Variants in TXNDC11 observed in about 807,000 individuals in gnomAD.
TXNDC11 encodes thioredoxin domain-containing protein 11.
Under a neutral mutation model 78.0 loss-of-function variants are expected in TXNDC11, and 68 were observed. The ratio of observed to expected loss-of-function variants is 0.87; its 90% CI spans 0.72 to 1.07. TXNDC11 has a LOEUF of 1.07. TXNDC11 is among the 50% of genes least tolerant of loss of function. The pLI, the probability that TXNDC11 is intolerant of heterozygous loss-of-function variation, is 0.00. For missense variants in TXNDC11, 1,389 were observed against 1,221.8 expected, an observed-to-expected ratio of 1.14 and a Z score of -2.04; for synonymous variants, 571 against 495.2, an observed-to-expected ratio of 1.15 and a Z score of -2.03.
rs929975471 is a variant in TXNDC11, at chr16:11,742,538, G to A, written c.193C>T (p.Leu65=). The change falls in exon 1 of 12, where the codon CTG becomes TTG. Residue 65 remains leucine (L), a synonymous_variant. Coordinates refer to ENST00000283033, the MANE Select transcript of TXNDC11 (RefSeq NM_015914.7). ...CCGAGCGCCACGGCCCCGCAGAGCA[G>A]CTCCGGCCGCTGGCGCGCCATGAGG... ...AFLMARQRPE[L]LCGAVALGCA... 1.1e-5 allele frequency: 16 copies of A among 1,460,602 alleles called. No homozygotes were observed. The highest frequency in any genetic ancestry group is 1.4e-5 in the Non-Finnish European group (16 of 1,113,794). The allele number at this position is 1,460,602 out of a possible 1,614,324, so 90.5% of individuals were successfully genotyped here. A position where few individuals can be genotyped will look rare whatever the true frequency, so the allele number is the denominator to read the frequency against.
In TXNDC11 at chr16:11,691,785, C is replaced by T. The variant is rs549295253; in HGVS notation, c.1405G>A (p.Ala469Thr). 3.7e-6 allele frequency: 6 copies of T among 1,614,240 alleles called. No homozygotes were observed. Among genetic ancestry groups the T allele is most frequent in the Middle Eastern group, 3.3e-4 (2 of 6,062 alleles). Residue 469 changes from alanine (A) to threonine (T), a missense_variant, in exon 8 of 12, where the codon GCA (alanine) becomes ACA (threonine). Transcript: ENST00000283033. Reference sequence around the variant, plus strand: ...AGGTAGAAAGAATCCAGAGCTGCTGCCATTTCAAAAAAGCTGCACTGTGGC... The same window carrying T: ...AGGTAGAAAGAATCCAGAGCTGCTGTCATTTCAAAAAAGCTGCACTGTGGC... Reference protein sequence around the residue: ...SVPQCSFFEMAAALDSFYLKE... With the variant: ...SVPQCSFFEMTAALDSFYLKE...
At chr16:11,700,802 T>G (rs2050992143) in intron 5 of TXNDC11, among the ~76,000 whole-genome samples, 1 of 152,178 alleles carries the variant, frequency 6.6e-6, no homozygotes, top group African/African-American at 2.4e-5. Flanking sequence ...GACAATCACT[T>G]GTGCTGAGGA....
At chr16:11,718,271 T>TA (rs144863482) in intron 5 of TXNDC11, among the ~76,000 whole-genome samples, 13,484 of 151,758 alleles carry the variant, frequency 0.089, 634 homozygotes, top group South Asian at 0.19. Flanking sequence ...TAAGACAATT[T>TA]AAAAAAAAAT....
In TXNDC11 at chr16:11,717,547, C is replaced by T. The variant is rs184746834; in HGVS notation, c.793+4030G>A. 1.3e-4 allele frequency among the ~76,000 whole-genome samples: 19 copies of T among 151,400 alleles called. No homozygotes were observed. The East Asian group carries it at 3.3e-3, about 26-fold the overall frequency. On this transcript the variant is annotated intron_variant, in intron 5 of 11. Transcript: ENST00000283033. ...GTAAAAAAGGCTAACACAGGCTGGG[C>T]GCAGTGGCTCACGCCTGTAATCCCA...
intron 8 of TXNDC11, 85 bp from the exon 9 acceptor site, chr16:11,688,530 A>C: frequency 8.9e-7 from 1 of 1,124,388 alleles, no homozygotes; most frequent in Non-Finnish European, 1.2e-6. Flanking sequence ...CATTTTAAAA[A>C]CTCAAATGAC....
intron 4 of TXNDC11, among the ~76,000 whole-genome samples, chr16:11,727,873 G>A (rs1349703661): frequency 6.6e-6 from 1 of 152,152 alleles, no homozygotes; most frequent in African/African-American, 2.4e-5. Context: ...CTTAATGGGG[G>A]AATTTTGCCC....
chr16:11,706,391 G>A (rs1388350175), intron 5 of TXNDC11, among the ~76,000 whole-genome samples: 2 of 152,252 alleles, frequency 1.3e-5, no homozygotes, highest in African/African-American at 4.8e-5. Context: ...CCTGGGCCCT[G>A]TGATCGTCGG....
intron 7 of TXNDC11, among the ~76,000 whole-genome samples, chr16:11,696,125 A>G (rs890524600): frequency 7.9e-5 from 12 of 152,026 alleles, no homozygotes; most frequent in African/African-American, 2.7e-4. Flanking sequence ...GGCTTTTTCA[A>G]GATCTCTCCC....
At chr16:11,724,085 C>T (rs548208636) in intron 4 of TXNDC11, among the ~76,000 whole-genome samples, 1 of 152,282 alleles carries the variant, frequency 6.6e-6, no homozygotes, top group South Asian at 2.1e-4. Context: ...AGTTCAAGAT[C>T]ACCCTTGGCC....
At chr16:11,702,683 T>A (rs1408578752) in intron 5 of TXNDC11, among the ~76,000 whole-genome samples, 1 of 152,034 alleles carries the variant, frequency 6.6e-6, no homozygotes, top group Non-Finnish European at 1.5e-5. Context: ...GCCTCCAAAG[T>A]AAATAAATAA....
At chr16:11,708,127 G>A (rs545437855) in intron 5 of TXNDC11, among the ~76,000 whole-genome samples, 2 of 152,202 alleles carry the variant, frequency 1.3e-5, no homozygotes, top group African/African-American at 2.4e-5. Flanking sequence ...TAGCTATGTG[G>A]TTCATATTGT....
At position 11,688,428 on chromosome 16, in the gene TXNDC11, A is replaced by C; in HGVS notation, c.1918T>G (p.Phe640Val). The change falls in exon 9 of 12, where the codon TTC becomes GTC. Residue 640 changes from phenylalanine to valine, a missense_variant. By Grantham distance (50) the Phe-to-Val change is conservative. Transcript: ENST00000283033. The stretch of plus-strand genomic sequence containing the variant: ...TTCAAGGGACTATAGAGAACGCTGA[A>C]GTTTTGAATAAAAGACTCTAAAAAT... ...KLTLESFIQN[F>V]SVLYSPLKRH... is the part of the protein sequence containing the mutation. The C allele has an allele frequency of 6.2e-7, 1 of 1,610,482 alleles. No homozygotes were observed. Among genetic ancestry groups the C allele is most frequent in the South Asian group, 1.1e-5 (1 of 90,588 alleles).
At chr16:11,717,593 G>T (rs758325526) in intron 5 of TXNDC11, among the ~76,000 whole-genome samples, 1 of 151,758 alleles carries the variant, frequency 6.6e-6, no homozygotes. Flanking sequence ...AGGCCGAAGC[G>T]GGCGGATCAT....
In TXNDC11 at chr16:11,700,463, T is replaced by C; in HGVS notation, c.895A>G (p.Asn299Asp). Residue 299 changes from asparagine (N) to aspartate (D), a missense_variant, in exon 6 of 12, where the codon AAC (asparagine) becomes GAC (aspartate). Transcript: ENST00000283033. ...TTCAAAATACTTACAAGTGATGTGT[T>C]GAAATGTCTATGTAAATACACACTT... The part of the protein sequence containing the change: ...SGSVYLHRHF[N>D]TSLVFPREVL... 6.5e-7 allele frequency: 1 copy of C among 1,527,900 alleles called. No individual in the cohort carries two copies. Among genetic ancestry groups the C allele is most frequent in the Non-Finnish European group, 9.0e-7 (1 of 1,106,474 alleles). The allele number at this position is 1,527,900 out of a possible 1,614,324, so 94.6% of individuals were successfully genotyped here.
intron 6 of TXNDC11, among the ~76,000 whole-genome samples, chr16:11,699,244 G>A (rs538406028): frequency 2.8e-5 from 3 of 106,396 alleles, no homozygotes; most frequent in African/African-American, 1.1e-4. Context: ...CCAAATCGAA[G>A]CAGAAACCTG....
chr16:11,737,097 A>G (rs2052243056), intron 1 of TXNDC11, among the ~76,000 whole-genome samples: 1 of 152,192 alleles, frequency 6.6e-6, no homozygotes, highest in Admixed American at 6.5e-5. Flanking sequence ...TATCTAAACG[A>G]GATAAATAGA....
rs760853072 is a variant in TXNDC11 at position 11,691,671 on chromosome 16, C to T, written c.1519G>A (p.Ala507Thr). 63 of 1,614,084 alleles carry T rather than the reference C, an allele frequency of 3.9e-5. 1 individual carries two copies. The South Asian group carries it at 6.6e-4, about 17-fold the overall frequency. The change falls in exon 8 of 12, where the codon GCA becomes ACA. Residue 507 changes from alanine (A) to threonine (T), a missense_variant. Transcript: ENST00000283033. ...TSYSPFSYYT[A>T]CCRTISRGVS... ...CCCCTGCTTATGGTCCTGCAACATG[C>T]AGTGTAGTAGCTGAAGGGGCTATAG...
chr16:11,680,375 T>C (rs2050392317), intron 11 of TXNDC11, among the ~76,000 whole-genome samples: 1 of 152,230 alleles, frequency 6.6e-6, no homozygotes, highest in Non-Finnish European at 1.5e-5. Flanking sequence ...TGTACCCCCA[T>C]TCCCCAGGTA....
chr16:11,685,930 C>A (rs9936947), intron 10 of TXNDC11, among the ~76,000 whole-genome samples: 1 of 152,096 alleles, frequency 6.6e-6, no homozygotes, highest in Non-Finnish European at 1.5e-5. Context: ...GCCCCCCTTT[C>A]TTATGCAGGC....
Sources: gnomAD v4.1 joint callset for allele counts (sites outside exome capture counted in the v4.1 genomes callset) on GRCh38, gnomAD v4.1.1 for gene constraint, MANE v1.5 for transcripts, NCBI Gene and HGNC (gene_info 2026-07-23, HGNC 2026-07-21) for gene names.